Variants in PCDHA1 observed in about 807,000 individuals in gnomAD.
The protein encoded by PCDHA1 is protocadherin alpha-1.
Under a neutral mutation model 61.3 loss-of-function variants are expected in PCDHA1, and 42 were observed. That is an observed-to-expected ratio of 0.69 (90% CI 0.54 to 0.89). PCDHA1 has a LOEUF of 0.89. PCDHA1 is among the 40% of genes least tolerant of loss of function. The pLI, the probability that PCDHA1 is intolerant of heterozygous loss-of-function variation, is 0.00. For synonymous variants in PCDHA1, 610 were observed against 553.8 expected, an observed-to-expected ratio of 1.10 and a Z score of -1.43; for missense variants, 1,256 against 1,235.3, an observed-to-expected ratio of 1.02 and a Z score of -0.25.
Position 140,830,013 on chromosome 5 carries a change from A to T in PCDHA1, c.2394+41329A>T, listed in dbSNP as rs2150179527. The T allele has an allele frequency of 5.0e-6, 8 of 1,613,332 alleles. No homozygotes were observed. The Admixed American group carries it at 1.0e-4, about 20-fold the overall frequency. On this transcript the variant is annotated intron_variant, in intron 1 of 3. Coordinates refer to ENST00000504120, the MANE Select transcript of PCDHA1 (RefSeq NM_018900.4). ...ACCACTCGTGTCCTGGACGAAGCGG[A>T]CTCTCCGCGCCACCGGCTGCTGGTG...
At chr5:140,850,132 G>A (rs2150469208) in intron 1 of PCDHA1, 1 of 1,595,756 alleles carries the variant, frequency 6.3e-7, no homozygotes, top group East Asian at 2.2e-5. Flanking sequence ...CCGCCTCTGG[G>A]CAGCAACGTG....
At chr5:140,797,663 C>G (rs566395323) in intron 1 of PCDHA1, among the ~76,000 whole-genome samples, 1 of 152,182 alleles carries the variant, frequency 6.6e-6, no homozygotes, top group Non-Finnish European at 1.5e-5. Context: ...TATTTTCTCT[C>G]TTAAAAATTG....
chr5:140,860,407 G>C (rs2046379214), intron 1 of PCDHA1: 1 of 151,974 alleles, frequency 6.6e-6, no homozygotes, highest in African/African-American at 2.4e-5. Flanking sequence ...AAAAGCAATA[G>C]TAACACCATT....
chr5:140,963,927 T>C (rs1439271741), intron 1 of PCDHA1, among the ~76,000 whole-genome samples: 1 of 152,220 alleles, frequency 6.6e-6, no homozygotes, highest in East Asian at 1.9e-4. Context: ...AAGTAACATG[T>C]CCATAGCCAA....
chr5:140,993,071 G>A (rs1301535845), intron 3 of PCDHA1, among the ~76,000 whole-genome samples: 9 of 152,222 alleles, frequency 5.9e-5, no homozygotes, highest in African/African-American at 2.2e-4. Flanking sequence ...TGTTCCTGCA[G>A]TCTGCAATCA....
At position 140,877,452 on chromosome 5, in the gene PCDHA1, G is replaced by A. The variant is rs116206336; in HGVS notation, c.2394+88768G>A. On this transcript the variant is annotated intron_variant, in intron 1 of 3. Transcript: ENST00000504120. ...AGGACCACGGTGAGCCCGCGCTGAC[G>A]TCCACGGCCACGGTGCTGGTGTCGC... 1,416 of 1,613,822 alleles carry A rather than the reference G, an allele frequency of 8.8e-4. 8 individuals carry two copies. The African/African-American group carries it at 0.017, about 19-fold the overall frequency.
chr5:140,802,490 C>T (rs1762929356), intron 1 of PCDHA1: 6 of 1,614,072 alleles, frequency 3.7e-6, no homozygotes, highest in Admixed American at 1.7e-5. Flanking sequence ...GGGACGGGGG[C>T]TCGCCTTCAC....
Position 140,858,600 on chromosome 5 carries a change from TA to T in PCDHA1, c.2394+69920del, listed in dbSNP as rs1554151860. 9.3e-6 allele frequency: 12 copies of T among 1,293,864 alleles called. 1 individual carries two copies. Among genetic ancestry groups the T allele is most frequent in the Non-Finnish European group, 1.3e-5 (12 of 949,282 alleles). 80.1% of individuals were successfully genotyped at this position (1,293,864 alleles called of 1,614,324 possible). ...GTAATATAATTTATTCCAGGAGTTT[TA>T]AAATTTTTTTATCCTACCCAGTGTG... is the stretch of plus-strand genomic sequence containing the variant. On this transcript the variant is annotated intron_variant, in intron 1 of 3. Coordinates refer to ENST00000504120, the MANE Select transcript of PCDHA1 (RefSeq NM_018900.4).
chr5:140,854,596 A>G (rs1426256620), intron 1 of PCDHA1: 1 of 150,040 alleles, frequency 6.7e-6, no homozygotes, highest in Non-Finnish European at 1.5e-5. Flanking sequence ...AAAAGTTTAA[A>G]GTAATTGACA....
chr5:140,824,610 GT>G (rs2150135229), intron 1 of PCDHA1: 1,308 of 95,098 alleles, frequency 0.014, 8 homozygotes, highest in East Asian at 0.019. Flanking sequence ...GCTAATTAAA[GT>G]TTTTTTTTTT....
chr5:140,852,688 T>G, intron 1 of PCDHA1: 1 of 971,908 alleles, frequency 1.0e-6, no homozygotes, highest in Non-Finnish European at 1.2e-6. Flanking sequence ...GAATATAGTC[T>G]TATACTTTCA....
Position 140,786,314 on chromosome 5 carries a change from C to T in PCDHA1, c.24C>T (p.Gly8=), listed in dbSNP as rs1414624467. The change falls in exon 1 of 4, where the codon GGC becomes GGT. Residue 8 remains glycine (G), a synonymous_variant. Coordinates refer to ENST00000504120, the MANE Select transcript of PCDHA1 (RefSeq NM_018900.4). ...CAATGGTGTTTTCTAGGAGAGGGGGCCTGGGAGCCCGGGATCTGCTTCTTT... is the reference window on the plus strand; with the variant it reads ...CAATGGTGTTTTCTAGGAGAGGGGGTCTGGGAGCCCGGGATCTGCTTCTTT... The part of the protein sequence containing the change: MVFSRRG[G]LGARDLLLWL... The T allele has an allele frequency of 4.3e-6, 7 of 1,609,934 alleles. No homozygotes were observed. The African/African-American group carries it at 6.7e-5, about 15-fold the overall frequency.
chr5:140,841,773 G>C (rs1292935559), intron 1 of PCDHA1: 2 of 1,613,894 alleles, frequency 1.2e-6, no homozygotes, highest in East Asian at 4.5e-5. Flanking sequence ...CCAGACTCTC[G>C]GTTTCCGCTA....
At chr5:140,892,673 T>C (rs1554185319) in intron 1 of PCDHA1, among the ~76,000 whole-genome samples, 1 of 152,262 alleles carries the variant, frequency 6.6e-6, no homozygotes, top group East Asian at 1.9e-4. Flanking sequence ...TTGATACATA[T>C]ATACAATGTA....
At chr5:140,930,906 C>T (rs1235701028) in intron 1 of PCDHA1, among the ~76,000 whole-genome samples, 1 of 152,134 alleles carries the variant, frequency 6.6e-6, no homozygotes, top group African/African-American at 2.4e-5. Flanking sequence ...ACTTACTTTT[C>T]TACTTTAGAT....
chr5:140,950,981 TG>T (rs1443074941), intron 1 of PCDHA1, among the ~76,000 whole-genome samples: 1 of 152,138 alleles, frequency 6.6e-6, no homozygotes, highest in East Asian at 1.9e-4. Context: ...CATTGACTTT[TG>T]CCTCTTTTAG....
chr5:140,836,349 G>A (rs2150258385), intron 1 of PCDHA1: 52 of 1,613,592 alleles, frequency 3.2e-5, no homozygotes, highest in Non-Finnish European at 4.4e-5. Flanking sequence ...GGACCACGGG[G>A]AGCCCTCGCT....
At chr5:140,966,528 G>C in intron 1 of PCDHA1, 1 of 446,634 alleles carries the variant, frequency 2.2e-6, no homozygotes, top group Non-Finnish European at 3.9e-6. Context: ...AGCCGAGCCG[G>C]GTTGAGCGAC....
intron 1 of PCDHA1, among the ~76,000 whole-genome samples, chr5:140,971,604 A>G (rs2096487974): frequency 6.6e-6 from 1 of 152,160 alleles, no homozygotes; most frequent in Admixed American, 6.5e-5. Flanking sequence ...TACAGATGGC[A>G]GGAGAGTCCT....
Sources: allele counts gnomAD v4.1 joint callset (sites outside exome capture counted in the v4.1 genomes callset), GRCh38; gene constraint gnomAD v4.1.1; transcripts MANE v1.5; gene names NCBI Gene and HGNC (gene_info 2026-07-23, HGNC 2026-07-21).